Variants in TENM2 observed in about 807,000 individuals in gnomAD.
TENM2 encodes the protein teneurin-2.
In TENM2, 52 loss-of-function variants were observed where a neutral mutation model predicts 245.2. That is an observed-to-expected ratio of 0.21 (90% CI 0.17 to 0.27). The LOEUF (loss-of-function observed/expected upper bound fraction) is 0.27. Among genes scored for constraint, TENM2 ranks in the 10% least tolerant of loss-of-function variants. The pLI is 1.00. For missense variants in TENM2, 3,046 were observed against 3,666.8 expected (o/e 0.83, Z 4.37); for synonymous variants, 1,363 against 1,438.9 (o/e 0.95, Z 1.19).
intron 2 of TENM2, among the ~76,000 whole-genome samples, chr5:167,464,935 G>A (rs1203151051): frequency 6.6e-6 from 1 of 152,194 alleles, no homozygotes; most frequent in African/African-American, 2.4e-5. Flanking sequence ...TGCATAGTAT[G>A]TACAGTTAAA....
At chr5:167,831,190 T>G (rs1316872817) in intron 2 of TENM2, among the ~76,000 whole-genome samples, 1 of 152,160 alleles carries the variant, frequency 6.6e-6, no homozygotes, top group Non-Finnish European at 1.5e-5. Flanking sequence ...AGGAATGGCT[T>G]ATATAAATTT....
intron 1 of TENM2, among the ~76,000 whole-genome samples, chr5:167,342,231 G>C (rs1462387394): frequency 6.6e-6 from 1 of 152,092 alleles, no homozygotes; most frequent in Non-Finnish European, 1.5e-5. Context: ...CTCTGGTTGT[G>C]ATGGTTTCTC....
At chr5:167,576,568 C>T (rs953703617) in intron 2 of TENM2, among the ~76,000 whole-genome samples, 4 of 151,978 alleles carry the variant, frequency 2.6e-5, no homozygotes, top group Non-Finnish European at 5.9e-5. Context: ...TGCTGTGTTC[C>T]GTTTTCAAAA....
At chr5:167,740,322 C>A (rs550159585) in intron 2 of TENM2, among the ~76,000 whole-genome samples, 1 of 152,140 alleles carries the variant, frequency 6.6e-6, no homozygotes, top group East Asian at 1.9e-4. Flanking sequence ...AATTCAGAGC[C>A]GTTTGCATTT....
intron 2 of TENM2, among the ~76,000 whole-genome samples, chr5:167,423,124 T>A (rs567243817): frequency 6.6e-6 from 1 of 152,068 alleles, no homozygotes; most frequent in Non-Finnish European, 1.5e-5. Flanking sequence ...AAAATACACA[T>A]TGTTAGTGTC....
chr5:167,442,043 G>GAAAAT (rs1469516462), intron 2 of TENM2, among the ~76,000 whole-genome samples: 1 of 152,146 alleles, frequency 6.6e-6, no homozygotes, highest in East Asian at 1.9e-4. Flanking sequence ...GAAAAGAAAA[G>GAAAAT]AAATGCATTC....
intron 5 of TENM2, among the ~76,000 whole-genome samples, chr5:168,040,821 C>A (rs569940843): frequency 6.6e-6 from 1 of 152,284 alleles, no homozygotes; most frequent in Non-Finnish European, 1.5e-5. Flanking sequence ...GGATGACAAG[C>A]AAACTGACAA....
intron 6 of TENM2, among the ~76,000 whole-genome samples, chr5:168,055,401 C>T (rs528791808): frequency 2.0e-5 from 3 of 152,238 alleles, no homozygotes; most frequent in African/African-American, 7.2e-5. Context: ...CACAGAGTTG[C>T]CCATGTGAGA....
chr5:168,101,625 G>A (rs1227908546), intron 9 of TENM2, among the ~76,000 whole-genome samples: 2 of 152,176 alleles, frequency 1.3e-5, no homozygotes, highest in African/African-American at 4.8e-5. Context: ...CAAATATTGA[G>A]TGGATGTTAA....
At chr5:167,903,016 C>T (rs1010575876) in intron 3 of TENM2, among the ~76,000 whole-genome samples, 13 of 152,150 alleles carry the variant, frequency 8.5e-5, no homozygotes, top group Admixed American at 7.9e-4. Flanking sequence ...ATGATGGATA[C>T]ATTAATTAGC....
intron 5 of TENM2, among the ~76,000 whole-genome samples, chr5:168,046,968 G>A (rs987320772): frequency 6.6e-6 from 1 of 152,178 alleles, no homozygotes; most frequent in Admixed American, 6.5e-5. Context: ...GTACTATTCG[G>A]GTAGCCTCCT....
At chr5:167,914,038 G>A (rs1776742584) in intron 3 of TENM2, among the ~76,000 whole-genome samples, 1 of 152,118 alleles carries the variant, frequency 6.6e-6, no homozygotes, top group Admixed American at 6.5e-5. Context: ...TGTATAGAAG[G>A]GAAAATCACC....
At chr5:167,656,815 A>T (rs1049495313) in intron 2 of TENM2, among the ~76,000 whole-genome samples, 2 of 152,080 alleles carry the variant, frequency 1.3e-5, no homozygotes, top group Non-Finnish European at 1.5e-5. Flanking sequence ...CTTGCCTTTT[A>T]AAAGCTTTAT....
intron 5 of TENM2, among the ~76,000 whole-genome samples, chr5:168,021,286 T>G (rs1786118937): frequency 6.6e-6 from 1 of 152,254 alleles, no homozygotes; most frequent in Admixed American, 6.5e-5. Context: ...GAATGACTTT[T>G]TCAGCTTGTA....
chr5:167,901,894 G>C (rs1487690111), intron 3 of TENM2, among the ~76,000 whole-genome samples: 1 of 152,140 alleles, frequency 6.6e-6, no homozygotes, highest in Non-Finnish European at 1.5e-5. Context: ...TGTAGAGGTA[G>C]AAATATAAGA....
At chr5:167,769,922 C>T (rs1763292648) in intron 2 of TENM2, among the ~76,000 whole-genome samples, 1 of 152,040 alleles carries the variant, frequency 6.6e-6, no homozygotes, top group Non-Finnish European at 1.5e-5. Context: ...TTTTTTTCCC[C>T]AGTAAAGACA....
At chr5:167,331,251 A>AAAC (rs1757442588) in intron 1 of TENM2, among the ~76,000 whole-genome samples, 1 of 151,472 alleles carries the variant, frequency 6.6e-6, no homozygotes, top group South Asian at 2.1e-4. Context: ...AAAAAAAAAA[A>AAAC]AAGACAAGAA....
At chr5:167,772,749 T>C (rs1444183404) in intron 2 of TENM2, among the ~76,000 whole-genome samples, 1 of 152,164 alleles carries the variant, frequency 6.6e-6, no homozygotes, top group Non-Finnish European at 1.5e-5. Context: ...ATAGAATCAG[T>C]ATTCTGTTAA....
intron 9 of TENM2, among the ~76,000 whole-genome samples, chr5:168,105,363 G>A (rs997020760): frequency 1.3e-5 from 2 of 152,110 alleles, no homozygotes; most frequent in Non-Finnish European, 2.9e-5. Flanking sequence ...GAGTCAGGGT[G>A]GAGCAAAAGG....
Sources: allele counts gnomAD v4.1 joint callset (sites outside exome capture counted in the v4.1 genomes callset), GRCh38; gene constraint gnomAD v4.1.1; transcripts MANE v1.5; gene names NCBI Gene and HGNC (gene_info 2026-07-23, HGNC 2026-07-21).